Variants in CHL1 observed in about 807,000 individuals in gnomAD.
The protein encoded by CHL1 is neural cell adhesion molecule L1-like protein.
In CHL1, 96 loss-of-function variants were observed where a neutral mutation model predicts 141.9. The ratio of observed to expected loss-of-function variants is 0.68; its 90% CI spans 0.57 to 0.80. The LOEUF (loss-of-function observed/expected upper bound fraction) is 0.80, where lower values mean the gene tolerates loss of function less well. Ranked by LOEUF, CHL1 falls within the 30% of genes least tolerant of loss-of-function variation. The pLI is 0.00. For missense variants in CHL1, 1,820 were observed against 1,457.2 expected (o/e 1.25, Z -4.05); for synonymous variants, 613 against 502.2 (o/e 1.22, Z -2.95).
At position 361,752 on chromosome 3, in the gene CHL1, G is replaced by T. The variant is rs1415837147; in HGVS notation, c.1360G>T (p.Gly454Trp). Reference protein sequence around the residue: ...KDGENYATVVGYSAFLHCEFF... With the variant: ...KDGENYATVVWYSAFLHCEFF... The stretch of plus-strand genomic sequence containing the variant: ...TGGAGAAAATTACGCTACAGTGGTT[G>T]GGTACAGTGCTTTCTTACATTGCGA... The change falls in exon 13 of 28, where the codon GGG (glycine) becomes TGG (tryptophan). Residue 454 changes from glycine (G) to tryptophan (W), a missense_variant. By Grantham distance (184) the Gly-to-Trp change is radical. Coordinates refer to ENST00000256509, the MANE Select transcript of CHL1 (RefSeq NM_006614.4). The T allele has an allele frequency of 1.2e-6, 2 of 1,613,666 alleles. No individual in the cohort carries two copies. Among genetic ancestry groups the T allele is most frequent in the East Asian group, 4.5e-5 (2 of 44,870 alleles).
intron 15 of CHL1, among the ~76,000 whole-genome samples, chr3:376,700 T>G (rs1295265388): frequency 6.6e-6 from 1 of 152,212 alleles, no homozygotes; most frequent in Admixed American, 6.5e-5. Flanking sequence ...AGAAGGTACA[T>G]TTTTCAAAAA....
At chr3:394,557 G>C (rs907406155) in intron 23 of CHL1, 136 bp from the exon 24 acceptor site, 5 of 655,108 alleles carry the variant, frequency 7.6e-6, no homozygotes, top group Admixed American at 3.0e-5. Flanking sequence ...GTACCTCATA[G>C]GATTAAATGA....
At chr3:361,398 G>T (rs1217289033) in intron 12 of CHL1, among the ~76,000 whole-genome samples, 1 of 127,048 alleles carries the variant, frequency 7.9e-6, no homozygotes, top group Non-Finnish European at 1.7e-5. Flanking sequence ...AAGAGCTTCT[G>T]CACAGCAAAG....
At chr3:215,115 C>A (rs1189795291) in intron 1 of CHL1, among the ~76,000 whole-genome samples, 1 of 152,026 alleles carries the variant, frequency 6.6e-6, no homozygotes, top group Non-Finnish European at 1.5e-5. Flanking sequence ...GAAGAGATTC[C>A]CATGTTGATT....
chr3:355,942 T>C (rs1411360468), intron 11 of CHL1, among the ~76,000 whole-genome samples: 1 of 152,132 alleles, frequency 6.6e-6, no homozygotes, highest in African/African-American at 2.4e-5. Flanking sequence ...CATCAGTAAA[T>C]TGGGATAAAA....
chr3:248,566 C>T (rs1693394154), intron 2 of CHL1: 2 of 152,032 alleles, frequency 1.3e-5, no homozygotes, highest in Admixed American at 1.3e-4. Context: ...ACTGTCACTG[C>T]AATCAAGGTA....
At chr3:367,762 T>A (rs1258678811) in intron 15 of CHL1, among the ~76,000 whole-genome samples, 3 of 152,168 alleles carry the variant, frequency 2.0e-5, no homozygotes, top group Non-Finnish European at 4.4e-5. Flanking sequence ...GCTGCACCTA[T>A]TGACCTGTCC....
chr3:218,943 G>A (rs1002478234), intron 1 of CHL1, among the ~76,000 whole-genome samples: 2 of 152,072 alleles, frequency 1.3e-5, no homozygotes, highest in African/African-American at 2.4e-5. Flanking sequence ...TCAGGAGATC[G>A]AGACCGTCCT....
chr3:349,563 C>G lies in CHL1; in HGVS notation c.1033+20C>G. 2 of 1,598,986 alleles carry G rather than the reference C, an allele frequency of 1.3e-6. No individual in the cohort carries two copies. The highest frequency in any genetic ancestry group is 1.7e-6 in the Non-Finnish European group (2 of 1,172,240). The stretch of plus-strand genomic sequence containing the variant: ...TAGAAGGTACCTTTCCCATGTTGGT[C>G]TATTTCTCTGCTTTTCAAAAAAGTA... On this transcript the variant is annotated intron_variant, in intron 10 of 27. Transcript: ENST00000256509.
At chr3:257,067 G>A (rs1439867290) in intron 2 of CHL1, among the ~76,000 whole-genome samples, 1 of 152,154 alleles carries the variant, frequency 6.6e-6, no homozygotes, top group African/African-American at 2.4e-5. Context: ...GTCCACCTGT[G>A]TATCTTTAGT....
chr3:372,279 G>A (rs906535990), intron 15 of CHL1, among the ~76,000 whole-genome samples: 3 of 152,026 alleles, frequency 2.0e-5, no homozygotes, highest in Admixed American at 6.6e-5. Flanking sequence ...ATGAAGTCCC[G>A]TATTTCTTGA....
intron 1 of CHL1, among the ~76,000 whole-genome samples, chr3:242,963 G>A (rs931827410): frequency 6.6e-6 from 1 of 152,192 alleles, no homozygotes; most frequent in Non-Finnish European, 1.5e-5. Flanking sequence ...GTGGTAAGAA[G>A]TGGGGACCCA....
At chr3:365,925 T>G (rs766738307) in intron 14 of CHL1, 25 bp from the exon 15 acceptor site, 1 of 1,598,080 alleles carries the variant, frequency 6.3e-7, no homozygotes, top group South Asian at 1.1e-5. Context: ...TAGTTCTAAC[T>G]AATATCTTTG....
intron 1 of CHL1, among the ~76,000 whole-genome samples, chr3:204,297 A>G (rs1699219502): frequency 1.3e-5 from 2 of 152,232 alleles, no homozygotes; most frequent in African/African-American, 4.8e-5. Flanking sequence ...GAGGGATTGT[A>G]GTTATGATGC....
chr3:339,769 CAAG>C (rs1702218164), intron 5 of CHL1, among the ~76,000 whole-genome samples: 1 of 152,104 alleles, frequency 6.6e-6, no homozygotes, highest in African/African-American at 2.4e-5. Context: ...CAAAGCTTCT[CAAG>C]AAGAAATTTT....
chr3:324,716 A>T (rs1700872087), intron 3 of CHL1, among the ~76,000 whole-genome samples: 1 of 151,580 alleles, frequency 6.6e-6, no homozygotes, highest in Admixed American at 6.6e-5. Context: ...ACACCTCACA[A>T]CAGCTTCAAC....
At chr3:242,549 TTGTG>T (rs1559325736) in intron 1 of CHL1, among the ~76,000 whole-genome samples, 2 of 151,998 alleles carry the variant, frequency 1.3e-5, no homozygotes, top group Non-Finnish European at 2.9e-5. Context: ...TGAGCCGAGA[TTGTG>T]CCACTGCACT....
chr3:286,984 C>T (rs1482362761), intron 2 of CHL1, among the ~76,000 whole-genome samples: 2 of 152,088 alleles, frequency 1.3e-5, no homozygotes, highest in Non-Finnish European at 2.9e-5. Flanking sequence ...TTCACCGCCA[C>T]CTGTTTTATC....
At chr3:292,214 A>G (rs1018919056) in intron 2 of CHL1, among the ~76,000 whole-genome samples, 2 of 152,240 alleles carry the variant, frequency 1.3e-5, no homozygotes, top group African/African-American at 4.8e-5. Context: ...TGTTTTCATT[A>G]CAGATGCATT....
Sources: allele counts gnomAD v4.1 joint callset (sites outside exome capture counted in the v4.1 genomes callset), GRCh38; gene constraint gnomAD v4.1.1; transcripts MANE v1.5; gene names NCBI Gene and HGNC (gene_info 2026-07-23, HGNC 2026-07-21).